The following ATP8B4 variants were observed in gnomAD, a reference collection of about 807,000 sequenced individuals.
ATP8B4 encodes the protein ATPase phospholipid transporting 8B4 (putative), also known as probable phospholipid-transporting ATPase IM.
ATP8B4 carries 133 observed loss-of-function variants against 145.6 expected under a neutral mutation model. That is an observed-to-expected ratio of 0.91 (90% CI 0.79 to 1.05). The LOEUF is 1.05. Ranked by LOEUF, ATP8B4 falls within the 50% of genes least tolerant of loss-of-function variation. ATP8B4 has a pLI of 0.00. For missense variants in ATP8B4, 1,458 were observed against 1,425.2 expected, an observed-to-expected ratio of 1.02 and a Z score of -0.37; for synonymous variants, 507 against 492.9, an observed-to-expected ratio of 1.03 and a Z score of -0.38.
intron 14 of ATP8B4, among the ~76,000 whole-genome samples, chr15:49,948,281 C>CAAAAAAAAAAAAA (rs35575312): frequency 1.8e-4 from 20 of 112,140 alleles, no homozygotes; most frequent in African/African-American, 2.7e-4. Flanking sequence ...ACTAAAAATA[C>CAAAAAAAAAAAAA]AAAAAAAAAA....
At chr15:49,897,932 G>C in intron 22 of ATP8B4, 136 bp downstream of exon 22, 1 of 961,530 alleles carries the variant, frequency 1.0e-6, no homozygotes, top group Non-Finnish European at 1.5e-6. Context: ...GGTAGCATTG[G>C]ACCCAGAAGT....
chr15:50,159,721 ACTGAAAAAATTATACGG>A (rs1466590174), intron 1 of ATP8B4, among the ~76,000 whole-genome samples: 1 of 152,188 alleles, frequency 6.6e-6, no homozygotes, highest in African/African-American at 2.4e-5. Flanking sequence ...TTCACCATCA[ACTGAAAAAATTATACGG>A]CTTTTGTTCT....
At chr15:49,868,406 T>G (rs969805849) in intron 25 of ATP8B4, among the ~76,000 whole-genome samples, 5 of 152,192 alleles carry the variant, frequency 3.3e-5, no homozygotes, top group African/African-American at 1.2e-4. Flanking sequence ...CATCTCAATA[T>G]CCTTTCTGAA....
chr15:50,017,523 C>G (rs941248758), intron 6 of ATP8B4, among the ~76,000 whole-genome samples: 4 of 152,018 alleles, frequency 2.6e-5, no homozygotes, highest in African/African-American at 9.7e-5. Context: ...AAGATAGTTT[C>G]CAATGGAAAA....
At chr15:49,947,059 G>A (rs1370751907) in intron 14 of ATP8B4, among the ~76,000 whole-genome samples, 1 of 152,220 alleles carries the variant, frequency 6.6e-6, no homozygotes, top group Non-Finnish European at 1.5e-5. Flanking sequence ...TATCACGGTA[G>A]GGTTGTTGCT....
chr15:50,059,284 C>T (rs907731642), intron 3 of ATP8B4, among the ~76,000 whole-genome samples: 3 of 152,072 alleles, frequency 2.0e-5, no homozygotes, highest in East Asian at 3.9e-4. Context: ...AGATGCACAG[C>T]GAGTCTCCAA....
chr15:49,916,895 C>T (rs2039794028), intron 20 of ATP8B4, 39 bp downstream of exon 20: 1 of 1,572,136 alleles, frequency 6.4e-7, no homozygotes, highest in African/African-American at 1.4e-5. Context: ...CTCCCTCCCT[C>T]TCGTCCTTCC....
At chr15:49,957,032 T>A (rs1702129967) in intron 14 of ATP8B4, among the ~76,000 whole-genome samples, 1 of 152,084 alleles carries the variant, frequency 6.6e-6, no homozygotes, top group African/African-American at 2.4e-5. Flanking sequence ...TATTACACAC[T>A]TGACTATGTG....
chr15:49,959,668 C>A (rs11070737), intron 14 of ATP8B4, among the ~76,000 whole-genome samples: 2 of 151,454 alleles, frequency 1.3e-5, no homozygotes, highest in East Asian at 1.9e-4. Context: ...TATTAAGAGG[C>A]ATAATGGAGA....
intron 8 of ATP8B4, among the ~76,000 whole-genome samples, chr15:49,997,171 A>G (rs1484655669): frequency 6.6e-6 from 1 of 152,172 alleles, no homozygotes; most frequent in Non-Finnish European, 1.5e-5. Context: ...AAAAATGGTC[A>G]TGACTAATTT....
At chr15:49,934,811 C>A (rs983693189) in intron 14 of ATP8B4, among the ~76,000 whole-genome samples, 1 of 152,134 alleles carries the variant, frequency 6.6e-6, no homozygotes, top group East Asian at 1.9e-4. Flanking sequence ...CAGGAGCAAG[C>A]CTACAGAAGG....
intron 23 of ATP8B4, among the ~76,000 whole-genome samples, chr15:49,882,299 C>A (rs2035549489): frequency 2.0e-5 from 3 of 152,164 alleles, no homozygotes; most frequent in Non-Finnish European, 2.9e-5. Flanking sequence ...GTATCCAACT[C>A]CTATCTACCC....
At chr15:50,129,390 G>A (rs2153678751) in intron 1 of ATP8B4, among the ~76,000 whole-genome samples, 1 of 152,266 alleles carries the variant, frequency 6.6e-6, no homozygotes, top group Non-Finnish European at 1.5e-5. Context: ...TATGTTCCAT[G>A]CCTCTCTTCA....
intron 5 of ATP8B4, among the ~76,000 whole-genome samples, chr15:50,042,632 G>A (rs1348528949): frequency 6.6e-6 from 1 of 152,006 alleles, no homozygotes; most frequent in Non-Finnish European, 1.5e-5. Context: ...TCATGAACAT[G>A]ACCCACCTCC....
intron 27 of ATP8B4, among the ~76,000 whole-genome samples, chr15:49,861,422 G>GTGTCTGTCTGTC: frequency 6.7e-6 from 1 of 148,374 alleles, no homozygotes; most frequent in African/African-American, 2.5e-5. Context: ...GTGTGTGTGT[G>GTGTCTGTCTGTC]TGTCTGTCTG....
chr15:49,993,845 G>A (rs1228723503), intron 9 of ATP8B4, among the ~76,000 whole-genome samples: 1 of 152,048 alleles, frequency 6.6e-6, no homozygotes, highest in Non-Finnish European at 1.5e-5. Flanking sequence ...CTGAAAAGCT[G>A]ACCACAGTTT....
chr15:50,030,311 T>G (rs1387079118), intron 6 of ATP8B4, among the ~76,000 whole-genome samples: 1 of 152,154 alleles, frequency 6.6e-6, no homozygotes, highest in African/African-American at 2.4e-5. Context: ...ACTTGGTGTA[T>G]CTTTAACTTC....
intron 23 of ATP8B4, among the ~76,000 whole-genome samples, chr15:49,893,699 G>T (rs2037075893): frequency 6.6e-6 from 1 of 152,102 alleles, no homozygotes; most frequent in Non-Finnish European, 1.5e-5. Flanking sequence ...TTTGCAGAAA[G>T]AAAAAGTTTT....
chr15:50,018,662 T>C (rs1405073280), intron 6 of ATP8B4, among the ~76,000 whole-genome samples: 1 of 152,226 alleles, frequency 6.6e-6, no homozygotes, highest in African/African-American at 2.4e-5. Context: ...GATTGTCTAA[T>C]AAAGGATATA....
Sources: allele counts gnomAD v4.1 joint callset (sites outside exome capture counted in the v4.1 genomes callset), GRCh38; gene constraint gnomAD v4.1.1; transcripts MANE v1.5; gene names NCBI Gene and HGNC (gene_info 2026-07-23, HGNC 2026-07-21).